Variants in AKR1C3 observed in about 807,000 individuals in gnomAD.
AKR1C3 encodes the protein aldo-keto reductase family 1 member C3, also known as 3-alpha hydroxysteroid dehydrogenase, type II.
In AKR1C3, 48 loss-of-function variants were observed where a neutral mutation model predicts 43.6. That is an observed-to-expected ratio of 1.10 (90% CI 0.87 to 1.40). AKR1C3 has a LOEUF of 1.40. AKR1C3 is among the 40% of genes most tolerant of loss of function. The pLI, the probability that AKR1C3 is intolerant of heterozygous loss-of-function variation, is 0.00. For synonymous variants in AKR1C3, 162 were observed against 139.6 expected (o/e 1.16, Z -1.13); for missense variants, 482 against 391.2 (o/e 1.23, Z -1.96).
chr10:5,099,461 T>G lies in AKR1C3; in HGVS notation c.570+12T>G, dbSNP rs1554785673. The G allele has an allele frequency of 6.2e-7, 1 of 1,614,154 alleles. No homozygotes were observed. Among genetic ancestry groups the G allele is most frequent in the African/African-American group, 1.3e-5 (1 of 75,046 alleles). On this transcript the variant is annotated intron_variant, in intron 5 of 8. Transcript: ENST00000380554. Reference sequence around the variant, plus strand: ...CTGTCTGCAACCAGGTGAGCTCCCTTGGCCTTCTCTCCTTTCGGTTCTTCA... The same window carrying G: ...CTGTCTGCAACCAGGTGAGCTCCCTGGGCCTTCTCTCCTTTCGGTTCTTCA...
At chr10:5,060,080 C>T (rs373308613) in intron 1 of AKR1C3, among the ~76,000 whole-genome samples, 1 of 152,208 alleles carries the variant, frequency 6.6e-6, no homozygotes, top group African/African-American at 2.4e-5. Context: ...TGGAGTTGTT[C>T]ATTCCTCCTG....
rs147141025 is a variant in AKR1C3 at position 5,099,440 on chromosome 10, C to G, written c.561C>G (p.Val187=). The change falls in exon 5 of 9, where the codon GTC becomes GTG. Residue 187 remains valine (V), a synonymous_variant. Coordinates refer to ENST00000380554, the MANE Select transcript of AKR1C3 (RefSeq NM_003739.6). ...LNKPGLKYKP[V]CNQVECHPYF... ...AGCCAGGACTCAAGTACAAGCCTGT[C>G]TGCAACCAGGTGAGCTCCCTTGGCC... 16 of 1,614,102 alleles carry G rather than the reference C, an allele frequency of 9.9e-6. No individual in the cohort carries two copies. The African/African-American group carries it at 2.0e-4, about 20-fold the overall frequency.
At chr10:5,048,969 C>A in intron 1 of AKR1C3, 1 of 1,269,650 alleles carries the variant, frequency 7.9e-7, no homozygotes, top group Non-Finnish European at 1.1e-6. Context: ...CCTGGGTTGT[C>A]AGGTTTGTGT....
chr10:5,057,613 T>C (rs893656019), intron 1 of AKR1C3, among the ~76,000 whole-genome samples: 3 of 152,206 alleles, frequency 2.0e-5, no homozygotes, highest in African/African-American at 7.2e-5. Context: ...GTGGACATCA[T>C]TGAATAATTC....
intron 2 of AKR1C3, 144 bp from the exon 3 acceptor site, chr10:5,097,290 G>A (rs1321230990): frequency 7.8e-5 from 77 of 987,496 alleles, no homozygotes; most frequent in Non-Finnish European, 1.0e-4. Context: ...AGAGCCAAAG[G>A]AATCATGAGA....
chr10:5,056,667 A>G (rs917746195), intron 1 of AKR1C3, among the ~76,000 whole-genome samples: 3 of 152,192 alleles, frequency 2.0e-5, no homozygotes, highest in Non-Finnish European at 2.9e-5. Context: ...TGTCCCTCCA[A>G]TGCCCAGACT....
chr10:5,086,593 C>G (rs769915930), intron 1 of AKR1C3, among the ~76,000 whole-genome samples: 3 of 150,400 alleles, frequency 2.0e-5, no homozygotes, highest in Admixed American at 6.6e-5. Context: ...CTATTAGGTC[C>G]GCTTGGTGCA....
upstream of AKR1C3, among the ~76,000 whole-genome samples, chr10:5,093,215 T>A (rs1464912500): frequency 1.3e-5 from 2 of 151,160 alleles, no homozygotes; most frequent in East Asian, 3.8e-4. Flanking sequence ...AGCACCCCCA[T>A]AAATAAATAA....
Position 5,106,977 on chromosome 10 carries a change from C to A in AKR1C3, c.930-484C>A, listed in dbSNP as rs1839519032. On this transcript the variant is annotated intron_variant, in intron 8 of 8. Transcript: ENST00000380554. ...AGCGAGCATGAGTAATTCTTATCAT[C>A]CATTAAAAATGTAATAAGTTGGTGT... 2.0e-5 allele frequency among the ~76,000 whole-genome samples: 3 copies of A among 152,004 alleles called. No individual in the cohort carries two copies. The South Asian group carries it at 6.2e-4, about 32-fold the overall frequency.
chr10:5,058,539 G>A (rs1384571509), intron 1 of AKR1C3, among the ~76,000 whole-genome samples: 1 of 152,138 alleles, frequency 6.6e-6, no homozygotes, highest in African/African-American at 2.4e-5. Flanking sequence ...AAAATTGCCT[G>A]TGGTTTTGGT....
At chr10:5,101,424 C>CTTCA (rs1381019802) in intron 5 of AKR1C3, among the ~76,000 whole-genome samples, 2 of 151,436 alleles carry the variant, frequency 1.3e-5, no homozygotes, top group East Asian at 3.9e-4. Context: ...AAAAAAAATC[C>CTTCA]TTCACCAAAT....
At chr10:5,101,627 T>A (rs938376947) in intron 5 of AKR1C3, among the ~76,000 whole-genome samples, 4 of 152,232 alleles carry the variant, frequency 2.6e-5, no homozygotes, top group Non-Finnish European at 5.9e-5. Flanking sequence ...ATTTTATTAA[T>A]TTTTGTTAGT....
At chr10:5,091,932 C>T (rs1459210211), upstream of AKR1C3, among the ~76,000 whole-genome samples, 2 of 152,022 alleles carry the variant, frequency 1.3e-5, no homozygotes, top group Admixed American at 6.6e-5. Flanking sequence ...GTCTAAAATG[C>T]TTTTATTTTA....
At chr10:5,083,130 G>T (rs1324872373) in intron 1 of AKR1C3, among the ~76,000 whole-genome samples, 1 of 151,722 alleles carries the variant, frequency 6.6e-6, no homozygotes, top group Non-Finnish European at 1.5e-5. Context: ...CAACGTGCAG[G>T]TTTGTTACAT....
chr10:5,096,680 TG>T, intron 2 of AKR1C3, 103 bp downstream of exon 2: 2 of 1,466,116 alleles, frequency 1.4e-6, no homozygotes, highest in South Asian at 3.2e-5. Flanking sequence ...ATTTTGCTTC[TG>T]GGTTCAAATT....
At chr10:5,103,130 A>C (rs1211818949) in intron 7 of AKR1C3, among the ~76,000 whole-genome samples, 1 of 152,012 alleles carries the variant, frequency 6.6e-6, no homozygotes, top group African/African-American at 2.4e-5. Context: ...ACCTCAGGCA[A>C]CCCACCTGCT....
chr10:5,062,124 T>A (rs1210484092), intron 1 of AKR1C3, among the ~76,000 whole-genome samples: 1 of 152,236 alleles, frequency 6.6e-6, no homozygotes, highest in African/African-American at 2.4e-5. Context: ...AATACTCTTT[T>A]GAGAACTTGG....
At chr10:5,103,137 T>A (rs1265135331) in intron 7 of AKR1C3, among the ~76,000 whole-genome samples, 1 of 152,170 alleles carries the variant, frequency 6.6e-6, no homozygotes, top group African/African-American at 2.4e-5. Flanking sequence ...GCAACCCACC[T>A]GCTGTGGCCT....
chr10:5,055,280 T>C (rs534804305), intron 1 of AKR1C3, among the ~76,000 whole-genome samples: 10 of 152,368 alleles, frequency 6.6e-5, no homozygotes, highest in Admixed American at 6.5e-4. Context: ...TCAGACGGCA[T>C]AAATCTAGAC....
Sources: gnomAD v4.1 joint callset for allele counts (sites outside exome capture counted in the v4.1 genomes callset) on GRCh38, gnomAD v4.1.1 for gene constraint, MANE v1.5 for transcripts, NCBI Gene and HGNC (gene_info 2026-07-23, HGNC 2026-07-21) for gene names.